Variants in CHD6 observed in about 807,000 individuals in gnomAD.
The protein encoded by CHD6 is ATP-dependent chromatin remodeler CHD6.
Under a neutral mutation model 276.9 loss-of-function variants are expected in CHD6, and 50 were observed. The observed-to-expected ratio is 0.18, with a 90% CI of 0.14 to 0.23. CHD6 has a LOEUF of 0.23. CHD6 is among the 10% of genes least tolerant of loss of function. The pLI, the probability that CHD6 is intolerant of heterozygous loss-of-function variation, is 1.00. For synonymous variants in CHD6, 1,173 were observed against 1,229.3 expected (o/e 0.95, Z 0.96); for missense variants, 2,564 against 3,365.8 (o/e 0.76, Z 5.89).
intron 13 of CHD6, among the ~76,000 whole-genome samples, chr20:41,488,201 T>A (rs1451194189): frequency 1.3e-5 from 2 of 152,002 alleles, no homozygotes; most frequent in African/African-American, 2.4e-5. Context: ...TATTTAAGAG[T>A]CCTCCTAAGT....
At chr20:41,560,838 T>TA (rs73622090) in intron 1 of CHD6, among the ~76,000 whole-genome samples, 2,167 of 143,814 alleles carry the variant, frequency 0.015, 14 homozygotes, top group African/African-American at 0.019. Flanking sequence ...CTAAAACAAA[T>TA]AAAAAAAAAA....
At chr20:41,471,498 G>C (rs2043050137) in intron 17 of CHD6, among the ~76,000 whole-genome samples, 1 of 151,704 alleles carries the variant, frequency 6.6e-6, no homozygotes, top group Non-Finnish European at 1.5e-5. Context: ...GTTGCATGTT[G>C]AACATAGTTT....
chr20:41,572,673 T>A (rs1016088891), intron 1 of CHD6, among the ~76,000 whole-genome samples: 5 of 152,116 alleles, frequency 3.3e-5, no homozygotes, highest in Non-Finnish European at 7.4e-5. Context: ...TGCCTACCCA[T>A]CAGGTTTGGT....
intron 3 of CHD6, among the ~76,000 whole-genome samples, chr20:41,526,764 T>C (rs1162240844): frequency 3.3e-5 from 5 of 152,190 alleles, no homozygotes; most frequent in African/African-American, 1.2e-4. Flanking sequence ...ACGTTACATA[T>C]AAAAACTTAC....
At chr20:41,497,226 G>C in intron 8 of CHD6, 158 bp downstream of exon 8, 1 of 611,196 alleles carries the variant, frequency 1.6e-6, no homozygotes, top group Non-Finnish European at 2.9e-6. Context: ...TCTTTGACTT[G>C]AATCTAGACT....
At position 41,455,815 on chromosome 20, in the gene CHD6, C is replaced by G. The variant is rs1255016446; in HGVS notation, c.2994G>C (p.Gly998=). The part of the protein sequence containing the change: ...HTITIQSEGK[G]STFAKASFVA... ...GGCCCTGTACCTTGGCAAAAGTGGA[C>G]CCTTTCCCCTCAGACTGGATGGTGA... Residue 998 remains glycine (G), a synonymous_variant, in exon 19 of 37, where the codon GGG becomes GGC. Coordinates refer to ENST00000373233, the MANE Select transcript of CHD6 (RefSeq NM_032221.5). 6.3e-7 allele frequency: 1 copy of G among 1,590,162 alleles called. No individual in the cohort carries two copies. The highest frequency in any genetic ancestry group is 1.4e-5 in the African/African-American group (1 of 73,882).
At chr20:41,555,336 G>A (rs1435785987) in intron 1 of CHD6, among the ~76,000 whole-genome samples, 1 of 143,886 alleles carries the variant, frequency 6.9e-6, no homozygotes, top group African/African-American at 2.6e-5. Context: ...TCACCTCCCG[G>A]ACGGGGCGGC....
In CHD6 at chr20:41,421,534, C is replaced by T; in HGVS notation, c.5101G>A (p.Glu1701Lys). The T allele has an allele frequency of 6.2e-7, 1 of 1,612,210 alleles. No homozygotes were observed. Among genetic ancestry groups the T allele is most frequent in the Non-Finnish European group, 8.5e-7 (1 of 1,179,190 alleles). ...CCATACATCATGCTCTCTAAGGACT[C>T]AGGCAGCAGACTTTCATCATGGTTG... Reference protein sequence around the residue: ...SINHDESLLPESLESMMYGKK... With the variant: ...SINHDESLLPKSLESMMYGKK... Residue 1701 changes from glutamate to lysine, a missense_variant, in exon 31 of 37, where the codon GAG becomes AAG. Coordinates refer to ENST00000373233, the MANE Select transcript of CHD6 (RefSeq NM_032221.5).
intron 1 of CHD6, among the ~76,000 whole-genome samples, chr20:41,607,521 G>A (rs1392837437): frequency 1.3e-5 from 2 of 152,138 alleles, no homozygotes; most frequent in African/African-American, 2.4e-5. Flanking sequence ...TGGAATAAAT[G>A]AATAATATAA....
At chr20:41,406,399 C>G (rs2046675727) in intron 36 of CHD6, among the ~76,000 whole-genome samples, 1 of 152,250 alleles carries the variant, frequency 6.6e-6, no homozygotes, top group African/African-American at 2.4e-5. Flanking sequence ...GGCATCTGCA[C>G]TGGACATTCC....
intron 1 of CHD6, among the ~76,000 whole-genome samples, chr20:41,606,034 T>G (rs2045823964): frequency 6.6e-6 from 1 of 152,180 alleles, no homozygotes; most frequent in Non-Finnish European, 1.5e-5. Flanking sequence ...AGGAAAAGAA[T>G]AATGGTTGAC....
At chr20:41,454,489 G>C (rs1161983791) in intron 20 of CHD6, 137 bp downstream of exon 20, 2 of 618,030 alleles carry the variant, frequency 3.2e-6, no homozygotes, top group Non-Finnish European at 5.6e-6. Context: ...TATGTGCCAG[G>C]CATATTTTAA....
chr20:41,469,948 AGAG>A (rs754679032), intron 17 of CHD6, among the ~76,000 whole-genome samples: 19 of 152,226 alleles, frequency 1.2e-4, no homozygotes, highest in Non-Finnish European at 2.6e-4. Flanking sequence ...CTGGAAAGCA[AGAG>A]GAGGACAGGA....
At chr20:41,497,177 A>C in intron 8 of CHD6, 1 of 538,842 alleles carries the variant, frequency 1.9e-6, no homozygotes, top group South Asian at 2.1e-5. Flanking sequence ...ATGAGTTGTC[A>C]GTTTATAAGG....
rs191822338 is a variant in CHD6 at position 41,532,590 on chromosome 20, T to C, written c.554+460A>G. 3.0e-4 allele frequency among the ~76,000 whole-genome samples: 46 copies of C among 152,316 alleles called. No homozygotes were observed. The East Asian group carries it at 5.8e-3, about 19-fold the overall frequency. ...CCAAAAGGAATGGCAAGAAACTGCATGGTCAGTATTAATTAAGGTTATCTT... is the reference window on the plus strand; with the variant it reads ...CCAAAAGGAATGGCAAGAAACTGCACGGTCAGTATTAATTAAGGTTATCTT... On this transcript the variant is annotated intron_variant, in intron 3 of 36. Coordinates refer to ENST00000373233, the MANE Select transcript of CHD6 (RefSeq NM_032221.5).
At chr20:41,482,037 T>C (rs541123352) in intron 16 of CHD6, among the ~76,000 whole-genome samples, 2 of 152,186 alleles carry the variant, frequency 1.3e-5, no homozygotes, top group South Asian at 4.1e-4. Context: ...TTAAGTAATT[T>C]GAACACAAAA....
chr20:41,538,728 CT>C (rs938088537), intron 2 of CHD6, among the ~76,000 whole-genome samples: 1 of 152,014 alleles, frequency 6.6e-6, no homozygotes, highest in Non-Finnish European at 1.5e-5. Flanking sequence ...TATTAAAAGC[CT>C]TTTTTTGCAG....
Position 41,404,853 on chromosome 20 carries a change from G to C in CHD6, c.7888C>G (p.Pro2630Ala), listed in dbSNP as rs575778947. Reference protein sequence around the residue: ...GLIYPSMFLSPGMGMALPAMQ... With the variant: ...GLIYPSMFLSAGMGMALPAMQ... ...GCTGGCAGAGCCATGCCCATACCAG[G>C]GGAGAGGAACATGGATGGGTAAATG... Residue 2630 changes from proline to alanine, a missense_variant, in exon 37 of 37, where the codon CCT becomes GCT. This residue lies in a region of CHD6 where 238 missense variants were observed against 266.0 expected (regional missense o/e 0.89). Transcript: ENST00000373233. 92 of 1,614,086 alleles carry C rather than the reference G, an allele frequency of 5.7e-5. No individual in the cohort carries two copies. The highest frequency in any genetic ancestry group is 7.6e-5 in the Non-Finnish European group (90 of 1,180,016).
intron 2 of CHD6, among the ~76,000 whole-genome samples, chr20:41,537,950 C>G (rs1038310115): frequency 2.0e-5 from 3 of 152,192 alleles, no homozygotes; most frequent in African/African-American, 7.2e-5. Flanking sequence ...TTCACAGCAG[C>G]ACTATTCACA....
Sources: allele counts gnomAD v4.1 joint callset (sites outside exome capture counted in the v4.1 genomes callset), GRCh38; gene constraint gnomAD v4.1.1; regional missense constraint gnomAD v4.1.1; transcripts MANE v1.5; gene names NCBI Gene and HGNC (gene_info 2026-07-23, HGNC 2026-07-21).